The following NAALADL2 variants were observed in gnomAD, a reference collection of about 807,000 sequenced individuals.
The protein encoded by NAALADL2 is inactive N-acetylated-alpha-linked acidic dipeptidase-like protein 2.
In NAALADL2, 76 loss-of-function variants were observed where a neutral mutation model predicts 87.2. The ratio of observed to expected loss-of-function variants is 0.87; its 90% confidence interval spans 0.72 to 1.05. The LOEUF is 1.05. Among genes scored for constraint, NAALADL2 ranks in the 50% least tolerant of loss-of-function variants. NAALADL2 has a pLI of 0.00. For missense variants in NAALADL2, 1,089 were observed against 945.8 expected, an observed-to-expected ratio of 1.15 and a Z score of -1.99; for synonymous variants, 354 against 331.0, an observed-to-expected ratio of 1.07 and a Z score of -0.75.
intron 9 of NAALADL2, among the ~76,000 whole-genome samples, chr3:175,557,990 C>T (rs187132102): frequency 0.016 from 2,386 of 151,826 alleles, 65 homozygotes; most frequent in African/African-American, 0.052. Context: ...GTCAGGAAAT[C>T]GAGACCATCC....
At chr3:175,656,640 T>C (rs1488255950) in intron 11 of NAALADL2, among the ~76,000 whole-genome samples, 2 of 152,106 alleles carry the variant, frequency 1.3e-5, no homozygotes, top group African/African-American at 4.8e-5. Flanking sequence ...AAGTGGAACA[T>C]GCCTAACTGG....
At chr3:174,613,244 C>T (rs1379831899) in intron 2 of NAALADL2, among the ~76,000 whole-genome samples, 1 of 150,112 alleles carries the variant, frequency 6.7e-6, no homozygotes, top group Non-Finnish European at 1.5e-5. Flanking sequence ...AGACCTGAAG[C>T]CAGCATGGTA....
At chr3:175,411,451 G>T (rs183032345) in intron 5 of NAALADL2, among the ~76,000 whole-genome samples, 19 of 148,330 alleles carry the variant, frequency 1.3e-4, no homozygotes, top group African/African-American at 3.7e-4. Context: ...ATTGATGTGC[G>T]AATTGAAGGC....
chr3:175,486,522 A>G (rs1255364704), intron 9 of NAALADL2, among the ~76,000 whole-genome samples: 2 of 152,074 alleles, frequency 1.3e-5, no homozygotes, highest in African/African-American at 4.8e-5. Context: ...CTCCACATTC[A>G]TACTTCTGAC....
chr3:175,043,892 G>C (rs1055888320), intron 1 of NAALADL2, among the ~76,000 whole-genome samples: 1 of 152,082 alleles, frequency 6.6e-6, no homozygotes, highest in African/African-American at 2.4e-5. Context: ...TTTTAGGATT[G>C]TTTCATCTAT....
chr3:174,797,298 CTTTTTTCTTTTTTTTT>C (rs1350941397), intron 3 of NAALADL2, among the ~76,000 whole-genome samples: 5 of 97,728 alleles, frequency 5.1e-5, no homozygotes, highest in South Asian at 3.7e-4. Context: ...TTTTGTTTTT[CTTTTTTCTTTTTTTTT>C]TTTTTTTTTT....
At position 175,237,841 on chromosome 3, in the gene NAALADL2, T is replaced by C. The variant is rs554661332; in HGVS notation, c.819+3637T>C. On this transcript the variant is annotated intron_variant, in intron 3 of 13. Transcript: ENST00000454872. ...AGCATATGGGACAATTGGGATAAGATAGGGTTCAGTAACACTTTCTTGTAT... is the reference window on the plus strand; with the variant it reads ...AGCATATGGGACAATTGGGATAAGACAGGGTTCAGTAACACTTTCTTGTAT... Among the ~76,000 whole-genome samples the C allele has an allele frequency of 9.9e-5, 15 of 152,246 alleles. No homozygotes were observed. In the East Asian group the frequency reaches 2.9e-3, roughly 29 times the overall value.
chr3:175,696,888 A>ACATT (rs1296105409), intron 11 of NAALADL2, among the ~76,000 whole-genome samples: 2 of 152,122 alleles, frequency 1.3e-5, no homozygotes, highest in Non-Finnish European at 2.9e-5. Flanking sequence ...AGTAGGGGCA[A>ACATT]CATTCATTCT....
At chr3:175,785,145 AGGTGT>A in intron 13 of NAALADL2, among the ~76,000 whole-genome samples, 1 of 150,332 alleles carries the variant, frequency 6.7e-6, no homozygotes, top group East Asian at 2.0e-4. Flanking sequence ...ATTTTGGAAT[AGGTGT>A]GGTGTGGTGC....
chr3:175,355,364 C>A (rs978757885), intron 5 of NAALADL2, among the ~76,000 whole-genome samples: 2 of 152,108 alleles, frequency 1.3e-5, no homozygotes, highest in African/African-American at 4.8e-5. Flanking sequence ...GACACCGCGC[C>A]CAGCCACAGC....
chr3:174,686,135 T>C (rs943728360), intron 2 of NAALADL2, among the ~76,000 whole-genome samples: 1 of 152,118 alleles, frequency 6.6e-6, no homozygotes, highest in Non-Finnish European at 1.5e-5. Context: ...AACATATGCA[T>C]GCATATGTCT....
intron 12 of NAALADL2, among the ~76,000 whole-genome samples, chr3:175,742,047 C>G (rs1186331832): frequency 6.6e-6 from 1 of 152,188 alleles, no homozygotes; most frequent in African/African-American, 2.4e-5. Context: ...GCCTTTCACT[C>G]AATTCACAAT....
intron 9 of NAALADL2, among the ~76,000 whole-genome samples, chr3:175,570,492 G>A (rs545056730): frequency 2.0e-5 from 3 of 152,116 alleles, no homozygotes; most frequent in Admixed American, 2.0e-4. Flanking sequence ...GTAATAATTG[G>A]TACTTTACTA....
chr3:174,478,698 G>A (rs1515578), intron 1 of NAALADL2, among the ~76,000 whole-genome samples: 40,895 of 151,834 alleles, frequency 0.27, 5,976 homozygotes, highest in South Asian at 0.45. Flanking sequence ...CATGTTTTTT[G>A]TATGTCCAGT....
chr3:175,752,941 T>A (rs537805404), intron 12 of NAALADL2, among the ~76,000 whole-genome samples: 33 of 152,270 alleles, frequency 2.2e-4, no homozygotes, highest in African/African-American at 7.7e-4. Context: ...TGCAGAGATA[T>A]TCCCTTGAAG....
chr3:174,614,019 T>C (rs949256781), intron 2 of NAALADL2, among the ~76,000 whole-genome samples: 1 of 152,208 alleles, frequency 6.6e-6, no homozygotes, highest in African/African-American at 2.4e-5. Context: ...GGACTCTGAC[T>C]GATGTCCTAT....
intron 13 of NAALADL2, among the ~76,000 whole-genome samples, chr3:175,781,976 A>ATAGTT (rs1475673839): frequency 1.3e-5 from 2 of 150,150 alleles, no homozygotes; most frequent in Admixed American, 6.7e-5. Context: ...TGTTCTTGCT[A>ATAGTT]TAGTTTACTG....
In NAALADL2 at chr3:175,120,838, T is replaced by C. The variant is rs1174551288; in HGVS notation, c.545+23547T>C. ...AACCAATTCTTGTTTTGTTGTTATA[T>C]AGGTATAATCTTAAAAAGTTAGTTT... On this transcript the variant is annotated intron_variant, in intron 2 of 13. Transcript: ENST00000454872. Among the ~76,000 whole-genome samples the C allele has an allele frequency of 2.6e-5, 4 of 151,840 alleles. No homozygotes were observed. The East Asian group carries it at 5.8e-4, about 22-fold the overall frequency.
At chr3:174,867,450 C>G (rs1035797602) in intron 1 of NAALADL2, among the ~76,000 whole-genome samples, 2 of 151,922 alleles carry the variant, frequency 1.3e-5, no homozygotes, top group Non-Finnish European at 2.9e-5. Context: ...AAGCCATTTT[C>G]CTTTTTTGGT....
Sources: gnomAD v4.1 joint callset for allele counts (sites outside exome capture counted in the v4.1 genomes callset) on GRCh38, gnomAD v4.1.1 for gene constraint, MANE v1.5 for transcripts, NCBI Gene and HGNC (gene_info 2026-07-23, HGNC 2026-07-21) for gene names.